TRAPPC9: variants seen among roughly 807,000 people sequenced by gnomAD.
TRAPPC9 encodes the protein IKK2 binding protein.
In TRAPPC9, 83 loss-of-function variants were observed where a neutral mutation model predicts 124.0. The ratio of observed to expected loss-of-function variants is 0.67; its 90% CI spans 0.56 to 0.80. TRAPPC9 has a LOEUF of 0.80. Ranked by LOEUF, TRAPPC9 falls within the 30% of genes least tolerant of loss-of-function variation. The pLI, the probability that TRAPPC9 is intolerant of heterozygous loss-of-function variation, is 0.00. For synonymous variants in TRAPPC9, 638 were observed against 617.5 expected (o/e 1.03, Z -0.49); for missense variants, 1,302 against 1,508.3 (o/e 0.86, Z 2.27).
At chr8:139,976,146 C>T (rs1244354130) in intron 19 of TRAPPC9, among the ~76,000 whole-genome samples, 1 of 152,034 alleles carries the variant, frequency 6.6e-6, no homozygotes, top group African/African-American at 2.4e-5. Context: ...TCGCCTCAGC[C>T]TCCCAAAGTG....
intron 4 of TRAPPC9, among the ~76,000 whole-genome samples, chr8:140,429,273 G>A (rs1040239642): frequency 6.6e-6 from 1 of 152,120 alleles, no homozygotes; most frequent in South Asian, 2.1e-4. Context: ...TGTATTTTCA[G>A]TAGACACGGG....
intron 19 of TRAPPC9, among the ~76,000 whole-genome samples, chr8:139,978,622 G>A (rs1836653338): frequency 6.6e-6 from 1 of 152,166 alleles, no homozygotes; most frequent in South Asian, 2.1e-4. Flanking sequence ...AGCACGTGGG[G>A]TCATTATCCG....
chr8:139,831,262 G>A (rs534707598), intron 21 of TRAPPC9, among the ~76,000 whole-genome samples: 3 of 152,162 alleles, frequency 2.0e-5, no homozygotes, highest in Non-Finnish European at 4.4e-5. Flanking sequence ...CTGCTGTGTC[G>A]TGTGTGTCTG....
At chr8:139,910,075 C>G in intron 20 of TRAPPC9, 72 bp downstream of exon 20, 1 of 1,544,340 alleles carries the variant, frequency 6.5e-7, no homozygotes, top group Non-Finnish European at 8.9e-7. Context: ...AAGACCCTCA[C>G]GGGTCTTTCT....
At chr8:140,098,038 C>T (rs1366886721) in intron 17 of TRAPPC9, 4 of 151,308 alleles carry the variant, frequency 2.6e-5, no homozygotes, top group African/African-American at 9.7e-5. Context: ...ACCCAGGTAG[C>T]TCTCAGTGCC....
chr8:140,091,624 A>G (rs1193204453), intron 17 of TRAPPC9, among the ~76,000 whole-genome samples: 1 of 152,230 alleles, frequency 6.6e-6, no homozygotes, highest in Non-Finnish European at 1.5e-5. Context: ...GATGGAGCTA[A>G]TATTTGGAGA....
At chr8:139,841,379 C>T (rs1826719945) in intron 21 of TRAPPC9, among the ~76,000 whole-genome samples, 1 of 152,252 alleles carries the variant, frequency 6.6e-6, no homozygotes, top group African/African-American at 2.4e-5. Context: ...CTCTTGCTTG[C>T]TCTGCCTAGC....
intron 17 of TRAPPC9, among the ~76,000 whole-genome samples, chr8:140,083,801 G>A (rs183541920): frequency 6.6e-6 from 1 of 152,140 alleles, no homozygotes; most frequent in East Asian, 1.9e-4. Context: ...CAAGTAGCTA[G>A]GATTACAGGC....
intron 19 of TRAPPC9, among the ~76,000 whole-genome samples, chr8:139,965,764 G>T (rs868954131): frequency 6.6e-6 from 1 of 152,246 alleles, no homozygotes; most frequent in African/African-American, 2.4e-5. Context: ...CGCATCACAC[G>T]GGGGAGAGAA....
intron 8 of TRAPPC9, among the ~76,000 whole-genome samples, chr8:140,366,085 C>T (rs1220589840): frequency 2.0e-5 from 3 of 152,186 alleles, no homozygotes; most frequent in African/African-American, 7.2e-5. Flanking sequence ...ATCCATATCC[C>T]TGTAAAGAAC....
rs192974526 is a variant in TRAPPC9 at position 140,051,331 on chromosome 8, G to A, written c.2557-27252C>T. Among the ~76,000 whole-genome samples the A allele has an allele frequency of 3.2e-3, 487 of 152,302 alleles. 2 individuals carry two copies. The highest frequency in any genetic ancestry group is 0.011 in the African/African-American group (469 of 41,568). On this transcript the variant is annotated intron_variant, in intron 17 of 22. Transcript: ENST00000438773. ...AGCTCCACACTGGGATCTGAACCCCGGGGGTTCCTGTAAGCCCTGCACCGT... is the reference window on the plus strand; with the variant it reads ...AGCTCCACACTGGGATCTGAACCCCAGGGGTTCCTGTAAGCCCTGCACCGT...
chr8:140,272,375 G>GTGGTGATGATGGTGATGGTGGCGA (rs2064965328), intron 15 of TRAPPC9, among the ~76,000 whole-genome samples: 3 of 104,514 alleles, frequency 2.9e-5, no homozygotes, highest in African/African-American at 1.5e-4. Flanking sequence ...AGTGAGGGTG[G>GTGGTGATGATGGTGATGGTGGCGA]TGGTGATGAT....
chr8:139,979,189 C>T (rs1453448425), intron 19 of TRAPPC9, among the ~76,000 whole-genome samples: 1 of 152,206 alleles, frequency 6.6e-6, no homozygotes, highest in East Asian at 1.9e-4. Flanking sequence ...GGTTGACCAC[C>T]ACCCTGTCCC....
intron 2 of TRAPPC9, among the ~76,000 whole-genome samples, chr8:140,445,248 G>C (rs1446205456): frequency 1.3e-5 from 2 of 152,154 alleles, no homozygotes; most frequent in Non-Finnish European, 2.9e-5. Context: ...CCCCACCTCT[G>C]TCTCTAAAGT....
chr8:140,013,595 G>C (rs1309520887), intron 18 of TRAPPC9, among the ~76,000 whole-genome samples: 27 of 152,184 alleles, frequency 1.8e-4, no homozygotes, highest in Admixed American at 1.7e-3. Flanking sequence ...GCCAACAAAG[G>C]CTTCAGGATC....
intron 17 of TRAPPC9, among the ~76,000 whole-genome samples, chr8:140,207,113 C>T (rs1227715550): frequency 6.6e-6 from 1 of 152,162 alleles, no homozygotes; most frequent in East Asian, 1.9e-4. Context: ...CGGAGCATTC[C>T]CTGCAGTTGG....
At chr8:140,191,136 A>G (rs2062483236) in intron 17 of TRAPPC9, among the ~76,000 whole-genome samples, 1 of 152,220 alleles carries the variant, frequency 6.6e-6, no homozygotes, top group African/African-American at 2.4e-5. Context: ...GATCACTAAG[A>G]CAGACAGGAA....
At chr8:140,130,397 G>C (rs2061185339) in intron 17 of TRAPPC9, among the ~76,000 whole-genome samples, 2 of 152,176 alleles carry the variant, frequency 1.3e-5, no homozygotes, top group Non-Finnish European at 2.9e-5. Context: ...TGATAGGTAC[G>C]ATGGGAACAT....
At chr8:139,773,688 A>G (rs768670420) in intron 21 of TRAPPC9, among the ~76,000 whole-genome samples, 80 of 151,146 alleles carry the variant, frequency 5.3e-4, no homozygotes, top group Non-Finnish European at 8.7e-4. Context: ...CCACCCGCTC[A>G]CTCCAGCCGG....
Sources: gnomAD v4.1 joint callset for allele counts (sites outside exome capture counted in the v4.1 genomes callset) on GRCh38, gnomAD v4.1.1 for gene constraint, MANE v1.5 for transcripts, NCBI Gene and HGNC (gene_info 2026-07-23, HGNC 2026-07-21) for gene names.